The following CPQ variants were observed in gnomAD, a reference collection of about 807,000 sequenced individuals.
The protein encoded by CPQ is Ser-Met dipeptidase.
In CPQ, 37 loss-of-function variants were observed where a neutral mutation model predicts 45.7. The observed-to-expected ratio is 0.81, with a 90% CI of 0.62 to 1.07. The LOEUF is 1.07. Ranked by LOEUF, CPQ falls within the 50% of genes least tolerant of loss-of-function variation. The probability of loss-of-function intolerance (pLI) is 0.00; values close to 1 mark genes in which losing one functional copy is unlikely to be tolerated. For synonymous variants in CPQ, 186 were observed against 205.8 expected (o/e 0.90, Z 0.82); for missense variants, 537 against 572.9 (o/e 0.94, Z 0.64).
rs374387521 is a variant in CPQ, at chr8:96,776,628, A to G, written c.-34-8236A>G. ...GGGCTTTGTTTTGTTTCCTCGAAAT[A>G]TAAACCTATTATTAGAATATAATTC... On this transcript the variant is annotated intron_variant, in intron 1 of 7. Coordinates refer to ENST00000220763, the MANE Select transcript of CPQ (RefSeq NM_016134.4). 3.9e-4 allele frequency among the ~76,000 whole-genome samples: 59 copies of G among 152,320 alleles called. 1 individual carries two copies. Among genetic ancestry groups the G allele is most frequent in the African/African-American group, 1.4e-3 (59 of 41,576 alleles).
intron 1 of CPQ, among the ~76,000 whole-genome samples, chr8:96,701,127 A>C (rs1809453044): frequency 6.6e-6 from 1 of 152,242 alleles, no homozygotes; most frequent in Non-Finnish European, 1.5e-5. Context: ...TATACAATAT[A>C]GTGGAAAGAA....
chr8:96,726,704 T>C (rs544659161), intron 1 of CPQ, among the ~76,000 whole-genome samples: 9 of 152,128 alleles, frequency 5.9e-5, no homozygotes, highest in South Asian at 4.2e-4. Flanking sequence ...CCTCCAACAA[T>C]AGCGATTACA....
chr8:96,783,205 G>A (rs150117799), intron 1 of CPQ, among the ~76,000 whole-genome samples: 1 of 151,754 alleles, frequency 6.6e-6, no homozygotes, highest in Non-Finnish European at 1.5e-5. Flanking sequence ...ACATTTTTCG[G>A]GTATTTGTTA....
chr8:97,068,029 CG>C (rs911958316), intron 7 of CPQ, among the ~76,000 whole-genome samples: 3 of 152,034 alleles, frequency 2.0e-5, no homozygotes, highest in East Asian at 1.9e-4. Context: ...AGAGTGCAGA[CG>C]GGGGGTGGTT....
At chr8:96,981,320 A>G (rs1813891721) in intron 5 of CPQ, among the ~76,000 whole-genome samples, 1 of 152,206 alleles carries the variant, frequency 6.6e-6, no homozygotes. Context: ...TTAAAATGTA[A>G]TTGAAATTAT....
At chr8:97,063,747 T>TG (rs1810591694) in intron 6 of CPQ, among the ~76,000 whole-genome samples, 1 of 152,132 alleles carries the variant, frequency 6.6e-6, no homozygotes, top group Admixed American at 6.6e-5. Flanking sequence ...GCTTTTTTTT[T>TG]GTCAGCTTTG....
At chr8:96,717,804 A>G (rs1809703008) in intron 1 of CPQ, among the ~76,000 whole-genome samples, 1 of 152,066 alleles carries the variant, frequency 6.6e-6, no homozygotes, top group Non-Finnish European at 1.5e-5. Flanking sequence ...GTGGCTCCAG[A>G]GGGGATTGTA....
Position 97,066,037 on chromosome 8 carries a change from T to C in CPQ, c.1082T>C (p.Met361Thr), listed in dbSNP as rs1586523413. 2 of 1,611,602 alleles carry C rather than the reference T, an allele frequency of 1.2e-6. No individual in the cohort carries two copies. Among genetic ancestry groups the C allele is most frequent in the Non-Finnish European group, 1.7e-6 (2 of 1,179,454 alleles). ...AATATTTCCAACTACAGTCTGGTGA[T>C]GGAGTCTGACGCAGGAACCTTCTTA... is the stretch of plus-strand genomic sequence containing the variant. ...KVNISNYSLV[M>T]ESDAGTFLPT... is the part of the protein sequence containing the mutation. Residue 361 changes from methionine (M) to threonine (T), a missense_variant, in exon 7 of 8, where the codon ATG (methionine) becomes ACG (threonine). Physicochemically the swap from Met to Thr is moderately conservative, Grantham distance 81. Coordinates refer to ENST00000220763, the MANE Select transcript of CPQ (RefSeq NM_016134.4).
At chr8:96,922,312 G>A (rs1298696819) in intron 4 of CPQ, among the ~76,000 whole-genome samples, 3 of 152,072 alleles carry the variant, frequency 2.0e-5, no homozygotes, top group African/African-American at 4.8e-5. Context: ...TGTTTTACAA[G>A]ATGACATAAG....
intron 3 of CPQ, among the ~76,000 whole-genome samples, chr8:96,877,380 A>G (rs879817473): frequency 4.6e-5 from 7 of 152,204 alleles, no homozygotes; most frequent in South Asian, 4.1e-4. Context: ...CCAGTAACCT[A>G]TAAGTACAAA....
intron 1 of CPQ, among the ~76,000 whole-genome samples, chr8:96,783,432 G>T (rs929266482): frequency 2.0e-5 from 3 of 152,166 alleles, no homozygotes; most frequent in Admixed American, 2.0e-4. Flanking sequence ...AGAAGGCATC[G>T]CACAGAAGAA....
At chr8:96,976,986 AAGAT>A (rs1813801171) in intron 5 of CPQ, among the ~76,000 whole-genome samples, 1 of 152,192 alleles carries the variant, frequency 6.6e-6, no homozygotes, top group South Asian at 2.1e-4. Flanking sequence ...AACAAAAACA[AAGAT>A]AGACATATGG....
intron 3 of CPQ, among the ~76,000 whole-genome samples, chr8:96,866,534 G>C (rs549371710): frequency 6.6e-6 from 1 of 152,146 alleles, no homozygotes; most frequent in East Asian, 1.9e-4. Context: ...TAGCATTTTT[G>C]TATGATTTAA....
chr8:97,042,970 G>C (rs1810158720), intron 6 of CPQ, among the ~76,000 whole-genome samples: 1 of 151,914 alleles, frequency 6.6e-6, no homozygotes, highest in South Asian at 2.1e-4. Context: ...CTGTTGATTT[G>C]GGGTGGAGAG....
At chr8:96,709,855 T>C (rs1052860045) in intron 1 of CPQ, among the ~76,000 whole-genome samples, 2 of 152,182 alleles carry the variant, frequency 1.3e-5, no homozygotes, top group African/African-American at 4.8e-5. Flanking sequence ...TTTTTTGTTC[T>C]GTTCTTTCCC....
At chr8:96,816,024 G>A (rs1210674686) in intron 2 of CPQ, among the ~76,000 whole-genome samples, 1 of 152,076 alleles carries the variant, frequency 6.6e-6, no homozygotes, top group African/African-American at 2.4e-5. Context: ...AGGCTAGGGT[G>A]GCTGTGGCAA....
At chr8:96,817,503 G>A (rs1302460446) in intron 2 of CPQ, among the ~76,000 whole-genome samples, 1 of 152,138 alleles carries the variant, frequency 6.6e-6, no homozygotes, top group Non-Finnish European at 1.5e-5. Context: ...TTTGGCTTAA[G>A]GGAATGTTGT....
intron 5 of CPQ, among the ~76,000 whole-genome samples, chr8:96,978,002 T>C (rs1813818282): frequency 6.6e-6 from 1 of 152,190 alleles, no homozygotes; most frequent in Non-Finnish European, 1.5e-5. Context: ...AAGAATTTGT[T>C]CCTTTCCTTT....
chr8:96,776,392 A>T (rs1183223984), intron 1 of CPQ, among the ~76,000 whole-genome samples: 1 of 152,186 alleles, frequency 6.6e-6, no homozygotes, highest in Non-Finnish European at 1.5e-5. Flanking sequence ...TTAAGTTTTC[A>T]TGTAAGTAGT....
Sources: gnomAD v4.1 joint callset for allele counts (sites outside exome capture counted in the v4.1 genomes callset) on GRCh38, gnomAD v4.1.1 for gene constraint, MANE v1.5 for transcripts, NCBI Gene and HGNC (gene_info 2026-07-23, HGNC 2026-07-21) for gene names.